Variants in SESTD1 observed in about 807,000 individuals in gnomAD.
SESTD1 encodes the protein SEC14 domain and spectrin repeat-containing protein 1.
SESTD1 carries 43 observed loss-of-function variants against 101.7 expected under a neutral mutation model. The observed-to-expected ratio is 0.42, with a 90% CI of 0.33 to 0.55. SESTD1 has a LOEUF of 0.55. Among genes scored for constraint, SESTD1 ranks in the 20% least tolerant of loss-of-function variants. The pLI is 0.07. For synonymous variants in SESTD1, 283 were observed against 286.8 expected (o/e 0.99, Z 0.13); for missense variants, 647 against 815.1 (o/e 0.79, Z 2.51).
At chr2:179,245,574 C>A (rs1218850242) in intron 1 of SESTD1, among the ~76,000 whole-genome samples, 1 of 147,722 alleles carries the variant, frequency 6.8e-6, no homozygotes, top group Non-Finnish European at 1.5e-5. Flanking sequence ...CACCTATGGT[C>A]CTAGCTACTT....
intron 9 of SESTD1, among the ~76,000 whole-genome samples, chr2:179,141,594 C>A (rs896495412): frequency 6.6e-6 from 1 of 151,476 alleles, no homozygotes; most frequent in African/African-American, 2.4e-5. Flanking sequence ...ATAAAAATTA[C>A]CTTCTTTAAT....
At chr2:179,216,458 C>T (rs539740202) in intron 1 of SESTD1, among the ~76,000 whole-genome samples, 1 of 134,850 alleles carries the variant, frequency 7.4e-6, no homozygotes, top group Admixed American at 7.2e-5. Context: ...GAACTACCAA[C>T]CACTGCTCAA....
intron 10 of SESTD1, among the ~76,000 whole-genome samples, chr2:179,126,645 T>C (rs1196463415): frequency 2.0e-5 from 3 of 152,152 alleles, no homozygotes; most frequent in African/African-American, 4.8e-5. Flanking sequence ...AATACATCTA[T>C]AGGCTAAGAA....
intron 10 of SESTD1, among the ~76,000 whole-genome samples, chr2:179,128,836 T>G (rs573637236): frequency 2.0e-5 from 3 of 152,008 alleles, no homozygotes; most frequent in Non-Finnish European, 4.4e-5. Context: ...CTGTCTCTTA[T>G]GTATATTTAA....
chr2:179,243,786 A>G (rs1375981539), intron 1 of SESTD1, among the ~76,000 whole-genome samples: 1 of 152,032 alleles, frequency 6.6e-6, no homozygotes, highest in Non-Finnish European at 1.5e-5. Context: ...TAAGGGCTGA[A>G]AAACAACCTA....
chr2:179,192,391 A>G (rs1034702711), intron 1 of SESTD1, among the ~76,000 whole-genome samples: 1 of 152,136 alleles, frequency 6.6e-6, no homozygotes, highest in Non-Finnish European at 1.5e-5. Flanking sequence ...CCCCTATAAC[A>G]CATGGTACCA....
chr2:179,261,058 A>G (rs2047475808), intron 1 of SESTD1, among the ~76,000 whole-genome samples: 1 of 152,192 alleles, frequency 6.6e-6, no homozygotes, highest in African/African-American at 2.4e-5. Context: ...CATACTATTC[A>G]AATTCTGAAA....
At chr2:179,185,721 G>A (rs1257990808) in intron 2 of SESTD1, among the ~76,000 whole-genome samples, 1 of 111,566 alleles carries the variant, frequency 9.0e-6, no homozygotes, top group Non-Finnish European at 1.7e-5. Flanking sequence ...ATATAATATA[G>A]CATATTATAT....
At chr2:179,195,491 T>C (rs376259242) in intron 1 of SESTD1, among the ~76,000 whole-genome samples, 1 of 152,222 alleles carries the variant, frequency 6.6e-6, no homozygotes, top group East Asian at 1.9e-4. Context: ...TATTTCTTTA[T>C]AGCAGTGTGA....
At chr2:179,224,431 A>C (rs1394720830) in intron 1 of SESTD1, among the ~76,000 whole-genome samples, 2 of 152,240 alleles carry the variant, frequency 1.3e-5, no homozygotes, top group Non-Finnish European at 2.9e-5. Context: ...TTGTGACATA[A>C]GAAATATACT....
intron 1 of SESTD1, among the ~76,000 whole-genome samples, chr2:179,196,073 C>G (rs1048789179): frequency 6.6e-6 from 1 of 152,168 alleles, no homozygotes; most frequent in South Asian, 2.1e-4. Flanking sequence ...GAAGGCCAGA[C>G]AGTGGGCGCA....
At chr2:179,251,623 T>C (rs988448493) in intron 1 of SESTD1, among the ~76,000 whole-genome samples, 2 of 152,162 alleles carry the variant, frequency 1.3e-5, no homozygotes, top group Non-Finnish European at 2.9e-5. Context: ...GTTTGTGTCC[T>C]CCCCCACAAA....
At chr2:179,239,580 T>G (rs1238150377) in intron 1 of SESTD1, among the ~76,000 whole-genome samples, 1 of 152,130 alleles carries the variant, frequency 6.6e-6, no homozygotes, top group Non-Finnish European at 1.5e-5. Context: ...GAGCCCCAGT[T>G]CAAATCAACT....
At chr2:179,154,438 TGAAG>T (rs1387230036) in intron 5 of SESTD1, among the ~76,000 whole-genome samples, 1 of 152,074 alleles carries the variant, frequency 6.6e-6, no homozygotes, top group Non-Finnish European at 1.5e-5. Context: ...AGCTAGTAAA[TGAAG>T]GAATAATAGA....
chr2:179,182,990 G>T, intron 3 of SESTD1, 90 bp downstream of exon 3: 1 of 819,338 alleles, frequency 1.2e-6, no homozygotes, highest in Non-Finnish European at 1.9e-6. Context: ...AAGCAGATAA[G>T]ATAGCAAAGT....
At chr2:179,115,030 C>A (rs375869406) in intron 16 of SESTD1, 35 bp downstream of exon 16, 109 of 1,569,848 alleles carry the variant, frequency 6.9e-5, no homozygotes, top group Non-Finnish European at 9.4e-5. Context: ...ATAATCAATA[C>A]CACTGAGAAT....
chr2:179,110,115 A>G, intron 17 of SESTD1, 87 bp from the exon 18 acceptor site: 4 of 1,369,270 alleles, frequency 2.9e-6, no homozygotes, highest in Non-Finnish European at 4.0e-6. Flanking sequence ...AATTTACCAT[A>G]AAAAATCTAC....
chr2:179,235,805 T>A (rs1440345840), intron 1 of SESTD1, among the ~76,000 whole-genome samples: 1 of 152,164 alleles, frequency 6.6e-6, no homozygotes, highest in Non-Finnish European at 1.5e-5. Context: ...CCTGCCTCTC[T>A]CTCCACTTCA....
At chr2:179,144,621 T>C (rs1224799116) in intron 8 of SESTD1, among the ~76,000 whole-genome samples, 1 of 152,080 alleles carries the variant, frequency 6.6e-6, no homozygotes, top group African/African-American at 2.4e-5. Flanking sequence ...ACAATACACA[T>C]ATTTAAATTC....
Sources: allele counts gnomAD v4.1 joint callset (sites outside exome capture counted in the v4.1 genomes callset), GRCh38; gene constraint gnomAD v4.1.1; transcripts MANE v1.5; gene names NCBI Gene and HGNC (gene_info 2026-07-23, HGNC 2026-07-21).